Variants in PTBP2 observed in about 807,000 individuals in gnomAD.
PTBP2 encodes polypyrimidine tract binding protein 2.
A neutral mutation model predicts 61.4 loss-of-function variants in PTBP2; 13 were observed. The observed-to-expected ratio is 0.21, with a 90% CI of 0.14 to 0.34. The LOEUF is 0.34. PTBP2 is among the 10% of genes least tolerant of loss of function. PTBP2 has a pLI of 1.00. For synonymous variants in PTBP2, 215 were observed against 218.5 expected (o/e 0.98, Z 0.14); for missense variants, 405 against 642.6 (o/e 0.63, Z 4.00).
chr1:96,778,503 A>G (rs2101046353), intron 7 of PTBP2, among the ~76,000 whole-genome samples: 1 of 152,130 alleles, frequency 6.6e-6, no homozygotes, highest in Non-Finnish European at 1.5e-5. Context: ...AAAATTTCCC[A>G]TCAAGGCTGC....
At chr1:96,749,677 A>T (rs999259951) in intron 2 of PTBP2, 14 of 455,868 alleles carry the variant, frequency 3.1e-5, no homozygotes, top group South Asian at 2.2e-4. Flanking sequence ...AATATGTAAC[A>T]GTTAATAACG....
downstream of PTBP2, chr1:96,816,977 AATT>A (rs1662511324): frequency 6.6e-6 from 1 of 152,262 alleles, no homozygotes; most frequent in East Asian, 1.9e-4. Flanking sequence ...AATGTTTTAA[AATT>A]ATTTACTAGT....
chr1:96,770,506 G>A (rs977415843), intron 4 of PTBP2, among the ~76,000 whole-genome samples: 1 of 151,926 alleles, frequency 6.6e-6, no homozygotes, highest in Non-Finnish European at 1.5e-5. Context: ...GAAGCAGCGT[G>A]TACTCGGTTT....
At chr1:96,742,269 C>T (rs1244187540) in intron 2 of PTBP2, among the ~76,000 whole-genome samples, 1 of 152,066 alleles carries the variant, frequency 6.6e-6, no homozygotes, top group African/African-American at 2.4e-5. Flanking sequence ...ATGCTTAATG[C>T]AGAAAATATA....
Position 96,777,208 on chromosome 1 carries a change from C to A in PTBP2, c.433-377C>A, listed in dbSNP as rs1230326003. ...GTAACCCCCTTGTTGAGATTTACAA[C>A]GTACCTGTTTTATGGAGTGATTAAT... On this transcript the variant is annotated intron_variant, in intron 5 of 13. Coordinates refer to ENST00000674951, the MANE Select transcript of PTBP2 (RefSeq NM_021190.4). 3.3e-5 allele frequency among the ~76,000 whole-genome samples: 5 copies of A among 152,068 alleles called. No homozygotes were observed. The South Asian group carries it at 8.3e-4, about 25-fold the overall frequency.
At chr1:96,778,046 AC>A (rs1411359040) in intron 7 of PTBP2, 100 bp downstream of exon 7, 1 of 469,626 alleles carries the variant, frequency 2.1e-6, no homozygotes, top group East Asian at 3.7e-5. Flanking sequence ...TTGTAGCATT[AC>A]AGATAGTAGA....
intron 2 of PTBP2, among the ~76,000 whole-genome samples, chr1:96,750,393 T>G (rs1203220869): frequency 7.1e-5 from 8 of 112,700 alleles, no homozygotes; most frequent in Non-Finnish European, 1.3e-4. Flanking sequence ...TATTTTTCTG[T>G]TTTTTTTTTT....
chr1:96,732,310 C>G (rs1158372191), intron 2 of PTBP2, among the ~76,000 whole-genome samples: 2 of 152,066 alleles, frequency 1.3e-5, no homozygotes, highest in Non-Finnish European at 2.9e-5. Context: ...TTTGACTTTT[C>G]TTAAAATACT....
At position 96,806,463 on chromosome 1, in the gene PTBP2, G is replaced by A; in HGVS notation, c.1078+11G>A. The A allele has an allele frequency of 6.2e-7, 1 of 1,602,410 alleles. No homozygotes were observed. Among genetic ancestry groups the A allele is most frequent in the Non-Finnish European group, 8.5e-7 (1 of 1,169,786 alleles). ...TGTTTACCCTCTTCGGTATGTTATT[G>A]TTAGCACTATACTTTTATTATTGAT... On this transcript the variant is annotated intron_variant, in intron 10 of 13. Coordinates refer to ENST00000674951, the MANE Select transcript of PTBP2 (RefSeq NM_021190.4).
At chr1:96,747,867 G>A (rs1377675173) in intron 2 of PTBP2, among the ~76,000 whole-genome samples, 2 of 151,474 alleles carry the variant, frequency 1.3e-5, no homozygotes, top group Non-Finnish European at 2.9e-5. Context: ...AGTTTTCCCT[G>A]TATTTGTGTA....
intron 2 of PTBP2, among the ~76,000 whole-genome samples, chr1:96,733,557 G>GCT: frequency 6.6e-6 from 1 of 152,196 alleles, no homozygotes; most frequent in East Asian, 1.9e-4. Flanking sequence ...GCATGGGCCT[G>GCT]TAGTCCCAGC....
chr1:96,792,210 C>T (rs1239463234), intron 8 of PTBP2, among the ~76,000 whole-genome samples: 1 of 152,154 alleles, frequency 6.6e-6, no homozygotes, highest in East Asian at 1.9e-4. Flanking sequence ...GAAATTGTCT[C>T]AATCCTAGGA....
chr1:96,729,840 G>T (rs1291488498), intron 2 of PTBP2, among the ~76,000 whole-genome samples: 2 of 150,428 alleles, frequency 1.3e-5, no homozygotes, highest in African/African-American at 4.9e-5. Flanking sequence ...GGGTTCACGC[G>T]GTTCTCCTGC....
At chr1:96,745,704 C>T (rs1653663473) in intron 2 of PTBP2, among the ~76,000 whole-genome samples, 1 of 151,884 alleles carries the variant, frequency 6.6e-6, no homozygotes, top group Admixed American at 6.6e-5. Flanking sequence ...CTGTGATATA[C>T]TCTTTTGTGA....
intron 11 of PTBP2, among the ~76,000 whole-genome samples, chr1:96,807,514 C>A (rs545540346): frequency 6.6e-6 from 1 of 152,138 alleles, no homozygotes; most frequent in Non-Finnish European, 1.5e-5. Flanking sequence ...CATACATCCT[C>A]GAATACATAA....
rs367550804 is a variant in PTBP2 at position 96,770,693 on chromosome 1, T to A, written c.289-15T>A. ...GAATTTATAGTATTAAAAATTGTGC[T>A]ACTTAAATTTTCAGGCATTTTTGGA... On this transcript the variant is annotated splice_polypyrimidine_tract_variant and intron_variant, in intron 4 of 13. Transcript: ENST00000674951. The A allele has an allele frequency of 1.3e-5, 21 of 1,600,290 alleles. No individual in the cohort carries two copies. The highest frequency in any genetic ancestry group is 1.7e-5 in the Non-Finnish European group (20 of 1,168,904).
At position 96,785,097 on chromosome 1, in the gene PTBP2, C is replaced by T. The variant is rs1306314692; in HGVS notation, c.747C>T (p.Thr249=). ...DGQNIYNACC[T]LRIDFSKLVN... ...AGAATATTTATAATGCCTGCTGTAC[C>T]CTAAGGATTGATTTTTCCAAACTTG... The change falls in exon 8 of 14, where the codon ACC becomes ACT. Residue 249 remains threonine (T), a synonymous_variant. Transcript: ENST00000674951. The T allele has an allele frequency of 6.2e-7, 1 of 1,606,312 alleles. No individual in the cohort carries two copies.
chr1:96,802,641 T>C (rs555342184), intron 8 of PTBP2, among the ~76,000 whole-genome samples: 1 of 152,284 alleles, frequency 6.6e-6, no homozygotes, highest in Admixed American at 6.5e-5. Context: ...ACTTTATTGT[T>C]AAAAAGGGAA....
chr1:96,807,079 T>C lies in PTBP2; in HGVS notation c.1171+121T>C, dbSNP rs902960285. 44 of 677,876 alleles carry C rather than the reference T, an allele frequency of 6.5e-5. No homozygotes were observed. The African/African-American group carries it at 7.8e-4, about 12-fold the overall frequency. The allele number at this position is 677,876 out of a possible 1,614,324, so 42.0% of individuals were successfully genotyped here. A position where few individuals can be genotyped will look rare whatever the true frequency, so the allele number is the denominator to read the frequency against. ...AAGAAATTATTTTAATGGCCAGGGCTCAAAATGTCATTTTAATGTGAATAG... is the reference window on the plus strand; with the variant it reads ...AAGAAATTATTTTAATGGCCAGGGCCCAAAATGTCATTTTAATGTGAATAG... On this transcript the variant is annotated intron_variant, in intron 11 of 13. Coordinates refer to ENST00000674951, the MANE Select transcript of PTBP2 (RefSeq NM_021190.4).
Sources: gnomAD v4.1 joint callset for allele counts (sites outside exome capture counted in the v4.1 genomes callset) on GRCh38, gnomAD v4.1.1 for gene constraint, MANE v1.5 for transcripts, NCBI Gene and HGNC (gene_info 2026-07-23, HGNC 2026-07-21) for gene names.